C11orf16: variants seen among roughly 807,000 people sequenced by gnomAD.
C11orf16 encodes the protein chromosome 11 open reading frame 16.
In C11orf16, 38 loss-of-function variants were observed where a neutral mutation model predicts 45.1. That is an observed-to-expected ratio of 0.84 (90% CI 0.65 to 1.10). The LOEUF (loss-of-function observed/expected upper bound fraction) is 1.10. C11orf16 is among the 50% of genes least tolerant of loss of function. The pLI is 0.00. For synonymous variants in C11orf16, 221 were observed against 222.0 expected, an observed-to-expected ratio of 1.00 and a Z score of 0.04; for missense variants, 583 against 569.5, an observed-to-expected ratio of 1.02 and a Z score of -0.24.
At position 8,926,089 on chromosome 11, in the gene C11orf16, A is replaced by G; in HGVS notation, c.578T>C (p.Ile193Thr). 3 of 1,597,312 alleles carry G rather than the reference A, an allele frequency of 1.9e-6. No homozygotes were observed. The highest frequency in any genetic ancestry group is 2.6e-6 in the Non-Finnish European group (3 of 1,169,678). The change falls in exon 5 of 7, where the codon ATC becomes ACC. Residue 193 changes from isoleucine to threonine, a missense_variant. Ile to Thr is a moderately conservative substitution (Grantham distance 89). Coordinates refer to ENST00000326053, the MANE Select transcript of C11orf16 (RefSeq NM_020643.3). ...TTTGCCATTCCAGAAATGAACAGTG[A>G]TTTCTTTTTCCTTTGATGCTACATA... Reference protein sequence around the residue: ...DPQRASKEKEITVHFWNGKAA... With the variant: ...DPQRASKEKETTVHFWNGKAA...
At position 8,927,165 on chromosome 11, in the gene C11orf16, G is replaced by A. The variant is rs745884342; in HGVS notation, c.334C>T (p.Gln112Ter). 1 of 1,613,308 alleles carries A rather than the reference G, an allele frequency of 6.2e-7. No homozygotes were observed. Among genetic ancestry groups the A allele is most frequent in the Non-Finnish European group, 8.5e-7 (1 of 1,179,538 alleles). ...QIKATPELERQGVLLVEFEAP... is the reference protein window; with the variant it reads ...QIKATPELER ...TCGAATTCCACAAGCAGGACCCCCT[G>A]TCTCTCCAGCTGTGGGAAAGAAAAC... Residue 112 changes from glutamine (Q) to a stop codon, truncating the protein, a stop_gained, in exon 4 of 7, where the codon CAG (glutamine) becomes TAG (stop). Transcript: ENST00000326053. LOFTEE classifies it high-confidence loss of function.
intron 6 of C11orf16, among the ~76,000 whole-genome samples, chr11:8,920,747 G>C (rs1012945250): frequency 1.3e-5 from 2 of 152,190 alleles, no homozygotes; most frequent in African/African-American, 4.8e-5. Context: ...CGGCTCACTT[G>C]AGCCCAGGAG....
At position 8,925,549 on chromosome 11, in the gene C11orf16, T is replaced by G; in HGVS notation, c.1118A>C (p.Glu373Ala). The stretch of plus-strand genomic sequence containing the variant: ...GAGGCCACTCTGTCTCAGAGGCATC[T>G]CAAGAAAGATGGGATCTGTGTTGAC... ...SAVNTDPIFL[E>A]MPLRQSGLCQ... The change falls in exon 5 of 7, where the codon GAG becomes GCG. Residue 373 changes from glutamate to alanine, a missense_variant. By Grantham distance (107) the Glu-to-Ala change is moderately radical. Coordinates refer to ENST00000326053, the MANE Select transcript of C11orf16 (RefSeq NM_020643.3). The G allele has an allele frequency of 6.2e-7, 1 of 1,614,206 alleles. No individual in the cohort carries two copies. The highest frequency in any genetic ancestry group is 8.5e-7 in the Non-Finnish European group (1 of 1,180,032).
chr11:8,926,986 G>A lies in C11orf16; in HGVS notation c.513C>T (p.Gly171=), dbSNP rs770101488. Residue 171 remains glycine, a synonymous_variant, in exon 4 of 7, where the codon GGC becomes GGT. Transcript: ENST00000326053. ...CCAAGCCCAAAAGAACAGTGCCAGG[G>A]CCATACTGCTGTTGGCCTGGCTCCC... ...ALWEPGQQQY[G]PGTVLLGLEM... 1 of 1,614,020 alleles carries A rather than the reference G, an allele frequency of 6.2e-7. No individual in the cohort carries two copies. Among genetic ancestry groups the A allele is most frequent in the South Asian group, 1.1e-5 (1 of 91,074 alleles).
chr11:8,923,940 G>C (rs1316015536), intron 5 of C11orf16, among the ~76,000 whole-genome samples: 1 of 147,630 alleles, frequency 6.8e-6, no homozygotes, highest in African/African-American at 2.5e-5. Flanking sequence ...GCCAAGGCTT[G>C]CCATTGCAAG....
chr11:8,921,901 A>G (rs572046523), intron 5 of C11orf16, among the ~76,000 whole-genome samples: 161 of 152,222 alleles, frequency 1.1e-3, no homozygotes, highest in African/African-American at 3.7e-3. Flanking sequence ...TCAGCCTCCC[A>G]AAGTGTTGCA....
At chr11:8,923,510 C>T (rs187592299) in intron 5 of C11orf16, among the ~76,000 whole-genome samples, 110 of 152,314 alleles carry the variant, frequency 7.2e-4, no homozygotes, top group African/African-American at 2.6e-3. Flanking sequence ...TTTATGCCCT[C>T]TCTACAAGTG....
intron 5 of C11orf16, 58 bp from the exon 6 acceptor site, chr11:8,921,573 A>C: frequency 6.9e-7 from 1 of 1,450,836 alleles, no homozygotes; most frequent in Non-Finnish European, 9.7e-7. Context: ...TGGCATAAGT[A>C]GAACTAAAAC....
chr11:8,924,850 C>T (rs1460139731), intron 5 of C11orf16, among the ~76,000 whole-genome samples: 3 of 152,136 alleles, frequency 2.0e-5, no homozygotes, highest in Non-Finnish European at 2.9e-5. Context: ...ATGGGCTCCC[C>T]GAACCTAGCA....
chr11:8,931,773 G>C (rs2064651506), intron 2 of C11orf16, among the ~76,000 whole-genome samples: 1 of 152,120 alleles, frequency 6.6e-6, no homozygotes, highest in Admixed American at 6.6e-5. Context: ...TGATCTGCTT[G>C]CCTCGGCCTT....
Position 8,932,251 on chromosome 11 carries a change from T to C in C11orf16, c.58A>G (p.Ser20Gly). 1 of 1,611,356 alleles carries C rather than the reference T, an allele frequency of 6.2e-7. No individual in the cohort carries two copies. Among genetic ancestry groups the C allele is most frequent in the South Asian group, 1.1e-5 (1 of 90,242 alleles). ...PLLKYCSVAT[S>G]LKAPGWDGAA... ...CCGTCCCAGCCAGGGGCCTTCAGGC[T>C]TGTGGCCACGCTGCAGTATTTGAGC... The change falls in exon 2 of 7, where the codon AGC becomes GGC. Residue 20 changes from serine to glycine, a missense_variant. Physicochemically the swap from Ser to Gly is moderately conservative, Grantham distance 56. Transcript: ENST00000326053.
At chr11:8,929,853 T>G (rs1589935398) in intron 2 of C11orf16, among the ~76,000 whole-genome samples, 2 of 152,294 alleles carry the variant, frequency 1.3e-5, no homozygotes, top group Middle Eastern at 6.8e-3. Context: ...AAAGTGTGGC[T>G]CAAGCCTGTA....
At chr11:8,921,658 C>G in intron 5 of C11orf16, 143 bp from the exon 6 acceptor site, 3 of 822,346 alleles carry the variant, frequency 3.6e-6, no homozygotes, top group Non-Finnish European at 5.7e-6. Flanking sequence ...CAGGGTCTTG[C>G]TATTATCACC....
Position 8,929,398 on chromosome 11 carries a change from G to A in C11orf16, c.303C>T (p.Ala101=), listed in dbSNP as rs780032395. 1 of 1,613,998 alleles carries A rather than the reference G, an allele frequency of 6.2e-7. No homozygotes were observed. Among genetic ancestry groups the A allele is most frequent in the South Asian group, 1.1e-5 (1 of 91,070 alleles). Residue 101 remains alanine (A), a synonymous_variant, in exon 3 of 7, where the codon GCC becomes GCT. Coordinates refer to ENST00000326053, the MANE Select transcript of C11orf16 (RefSeq NM_020643.3). ...RREADGFYYR[A]QIKATPELER... ...TTGCCTCGGGAGTGGCCTTTATTTG[G>A]GCCCGGTAGTAAAAACCATCTGCTT...
At position 8,929,370 on chromosome 11, in the gene C11orf16, G is replaced by A. The variant is rs766984986; in HGVS notation, c.324+7C>T. 29 of 1,612,834 alleles carry A rather than the reference G, an allele frequency of 1.8e-5. 1 individual carries two copies. In the South Asian group the frequency reaches 3.1e-4, roughly 17 times the overall value. ...ACGCCAGGGAGATACTGGGGTCAGG[G>A]ACTTGCCTCGGGAGTGGCCTTTATT... On this transcript the variant is annotated splice_region_variant and intron_variant, in intron 3 of 6. Coordinates refer to ENST00000326053, the MANE Select transcript of C11orf16 (RefSeq NM_020643.3).
In C11orf16 at chr11:8,932,185, C is replaced by T; in HGVS notation, c.124G>A (p.Ala42Thr). Reference protein sequence around the residue: ...PWDLSFTYPFALQAPWLTGHK... With the variant: ...PWDLSFTYPFTLQAPWLTGHK... ...CCGGTGAGCCAGGGTGCTTGGAGGG[C>T]AAAGGGGTAGGTGAAGGAGAGGTCC... is the stretch of plus-strand genomic sequence containing the variant. The change falls in exon 2 of 7, where the codon GCC becomes ACC. Residue 42 changes from alanine to threonine, a missense_variant. Coordinates refer to ENST00000326053, the MANE Select transcript of C11orf16 (RefSeq NM_020643.3). 6.3e-7 allele frequency: 1 copy of T among 1,592,280 alleles called. No individual in the cohort carries two copies. The highest frequency in any genetic ancestry group is 8.5e-7 in the Non-Finnish European group (1 of 1,169,918).
Position 8,926,025 on chromosome 11 carries a change from G to C in C11orf16, c.642C>G (p.Ser214=). 1 of 1,614,086 alleles carries C rather than the reference G, an allele frequency of 6.2e-7. No individual in the cohort carries two copies. The highest frequency in any genetic ancestry group is 8.5e-7 in the Non-Finnish European group (1 of 1,180,020). The change falls in exon 5 of 7, where the codon TCC becomes TCG. Residue 214 remains serine (S), a synonymous_variant. Coordinates refer to ENST00000326053, the MANE Select transcript of C11orf16 (RefSeq NM_020643.3). ...KVPLGGVQSV[S]LTIWKKAVER... is the part of the protein sequence containing the mutation. ...CCACAGCCTTCTTCCAGATGGTCAG[G>C]GACACCGACTGGACCCCACCTAGGG...
chr11:8,926,242 A>G, intron 4 of C11orf16, 135 bp from the exon 5 acceptor site: 1 of 858,064 alleles, frequency 1.2e-6, no homozygotes, highest in South Asian at 1.9e-5. Context: ...GCAGTGGCAC[A>G]GTGATAGCTC....
At chr11:8,926,226 T>C (rs1202119436) in intron 4 of C11orf16, 119 bp from the exon 5 acceptor site, 10 of 956,756 alleles carry the variant, frequency 1.0e-5, no homozygotes, top group South Asian at 1.9e-5. Context: ...TGGCTCAGGC[T>C]GGAGTGCAGT....
Sources: allele counts gnomAD v4.1 joint callset (sites outside exome capture counted in the v4.1 genomes callset), GRCh38; gene constraint gnomAD v4.1.1; transcripts MANE v1.5; gene names NCBI Gene and HGNC (gene_info 2026-07-23, HGNC 2026-07-21).